Variants in NEO1 observed in about 807,000 individuals in gnomAD.
NEO1 encodes the protein neogenin 1, also known as neogenin.
In NEO1, 63 loss-of-function variants were observed where a neutral mutation model predicts 159.7. That is an observed-to-expected ratio of 0.39 (90% confidence interval 0.32 to 0.49). The LOEUF is 0.49. Among genes scored for constraint, NEO1 ranks in the 20% least tolerant of loss-of-function variants. NEO1 has a pLI of 0.85. For synonymous variants in NEO1, 633 were observed against 662.0 expected, an observed-to-expected ratio of 0.96 and a Z score of 0.67; for missense variants, 1,615 against 1,831.0, an observed-to-expected ratio of 0.88 and a Z score of 2.15.
intron 22 of NEO1, among the ~76,000 whole-genome samples, chr15:73,280,539 C>T (rs964201885): frequency 3.3e-5 from 5 of 152,156 alleles, no homozygotes; most frequent in African/African-American, 1.2e-4. Context: ...GCAATGCCTG[C>T]CCTGCCAAGT....
At position 73,100,833 on chromosome 15, in the gene NEO1, C is replaced by T. The variant is rs150455881; in HGVS notation, c.131-15707C>T. Among the ~76,000 whole-genome samples, 521 of 152,304 alleles carry T rather than the reference C, an allele frequency of 3.4e-3. 3 individuals carry two copies. Among genetic ancestry groups the T allele is most frequent in the African/African-American group, 0.012 (495 of 41,564 alleles). On this transcript the variant is annotated intron_variant, in intron 1 of 28. Transcript: ENST00000261908. Reference sequence around the variant, plus strand: ...TTCTGTTTTGCCTCTTTAGTGCTCTCTTCCATTCTTGCCACAGCTATTTCA... The same window carrying T: ...TTCTGTTTTGCCTCTTTAGTGCTCTTTTCCATTCTTGCCACAGCTATTTCA...
At chr15:73,213,476 G>A (rs904425343) in intron 7 of NEO1, among the ~76,000 whole-genome samples, 3 of 152,000 alleles carry the variant, frequency 2.0e-5, no homozygotes, top group Admixed American at 1.3e-4. Context: ...ATGCCTTTGC[G>A]TCCTCATAGC....
chr15:73,186,970 G>A (rs535894327), intron 7 of NEO1, among the ~76,000 whole-genome samples: 10 of 152,112 alleles, frequency 6.6e-5, no homozygotes, highest in African/African-American at 1.4e-4. Flanking sequence ...TGCTTACTCT[G>A]GTCTAACACA....
chr15:73,217,554 A>G (rs2037968846), intron 7 of NEO1, among the ~76,000 whole-genome samples: 1 of 152,178 alleles, frequency 6.6e-6, no homozygotes, highest in Admixed American at 6.5e-5. Context: ...GATTCTTCCT[A>G]TCCATGAGCA....
At chr15:73,145,047 G>A (rs1426697465) in intron 5 of NEO1, among the ~76,000 whole-genome samples, 1 of 152,048 alleles carries the variant, frequency 6.6e-6, no homozygotes, top group African/African-American at 2.4e-5. Context: ...TGGCAAAAGT[G>A]ATTAAAATTC....
chr15:73,093,235 A>G (rs2069797681), intron 1 of NEO1, among the ~76,000 whole-genome samples: 1 of 152,192 alleles, frequency 6.6e-6, no homozygotes, highest in Non-Finnish European at 1.5e-5. Context: ...ATCACTATTA[A>G]CATTGACCTT....
At chr15:73,186,075 T>G (rs2035904272) in intron 7 of NEO1, among the ~76,000 whole-genome samples, 1 of 150,148 alleles carries the variant, frequency 6.7e-6, no homozygotes, top group African/African-American at 2.5e-5. Flanking sequence ...AAACCAAACA[T>G]GAAAATATCT....
At chr15:73,211,604 A>T (rs1234736854) in intron 7 of NEO1, among the ~76,000 whole-genome samples, 2 of 152,158 alleles carry the variant, frequency 1.3e-5, no homozygotes, top group Middle Eastern at 3.2e-3. Context: ...ATTCCCAGCT[A>T]CTCGGGAGGC....
intron 2 of NEO1, among the ~76,000 whole-genome samples, chr15:73,122,140 A>G (rs2071704624): frequency 7.1e-6 from 1 of 140,064 alleles, no homozygotes; most frequent in Non-Finnish European, 1.5e-5. Flanking sequence ...AATAAAGACT[A>G]GACAAAATGT....
At chr15:73,115,154 C>T (rs1177501745) in intron 1 of NEO1, among the ~76,000 whole-genome samples, 5 of 152,126 alleles carry the variant, frequency 3.3e-5, no homozygotes, top group East Asian at 1.9e-4. Context: ...GTGATTTTCC[C>T]GCCTCAGCCT....
chr15:73,122,854 T>A, intron 3 of NEO1, 54 bp downstream of exon 3: 1 of 1,580,566 alleles, frequency 6.3e-7, no homozygotes, highest in Non-Finnish European at 8.6e-7. Context: ...GGGTAAACAT[T>A]GTTCTGTTAG....
chr15:73,121,267 C>T (rs2071627727), intron 2 of NEO1, among the ~76,000 whole-genome samples: 1 of 152,182 alleles, frequency 6.6e-6, no homozygotes, highest in Non-Finnish European at 1.5e-5. Flanking sequence ...ACATATTTCA[C>T]TTGGTGGCTG....
At chr15:73,299,684 C>T (rs1044510954) in intron 27 of NEO1, among the ~76,000 whole-genome samples, 2 of 152,102 alleles carry the variant, frequency 1.3e-5, no homozygotes, top group African/African-American at 4.8e-5. Context: ...TGCGCCCAGC[C>T]GAAAAGCAAC....
At chr15:73,201,579 G>A (rs7177758) in intron 7 of NEO1, among the ~76,000 whole-genome samples, 56,292 of 151,896 alleles carry the variant, frequency 0.37, 11,762 homozygotes, top group East Asian at 0.57. Flanking sequence ...TAGATCAATT[G>A]ATATAGATGA....
chr15:73,178,102 A>C (rs1333840385), intron 6 of NEO1, among the ~76,000 whole-genome samples: 1 of 152,200 alleles, frequency 6.6e-6, no homozygotes, highest in South Asian at 2.1e-4. Flanking sequence ...CGTGAATGAC[A>C]GTATGTACTC....
At chr15:73,236,224 GT>G in intron 7 of NEO1, 122 bp from the exon 8 acceptor site, 3 of 1,324,122 alleles carry the variant, frequency 2.3e-6, no homozygotes, top group Non-Finnish European at 3.1e-6. Context: ...TGTTTTTTCT[GT>G]TCTCTTTTTT....
chr15:73,122,061 GTGTATATATATA>G (rs1436193886), intron 2 of NEO1, among the ~76,000 whole-genome samples: 35 of 63,706 alleles, frequency 5.5e-4, no homozygotes, highest in African/African-American at 1.4e-3. Flanking sequence ...GTGTGTGTGT[GTGTATATATATA>G]TATATATATA....
At chr15:73,142,315 A>C (rs4777592) in intron 5 of NEO1, among the ~76,000 whole-genome samples, 108,628 of 152,030 alleles carry the variant, frequency 0.71, 39,877 homozygotes, top group African/African-American at 0.89. Context: ...CTGCGATGAC[A>C]AGCATCATTT....
intron 26 of NEO1, among the ~76,000 whole-genome samples, chr15:73,295,542 C>T (rs977415977): frequency 6.6e-6 from 1 of 151,688 alleles, no homozygotes; most frequent in African/African-American, 2.4e-5. Context: ...CCCTGCTCTA[C>T]GGACCTAGGC....
Sources: gnomAD v4.1 joint callset for allele counts (sites outside exome capture counted in the v4.1 genomes callset) on GRCh38, gnomAD v4.1.1 for gene constraint, MANE v1.5 for transcripts, NCBI Gene and HGNC (gene_info 2026-07-23, HGNC 2026-07-21) for gene names.